The following RABEP2 variants were observed in gnomAD, a reference collection of about 807,000 sequenced individuals.
RABEP2 encodes the protein rabaptin, RAB GTPase binding effector protein 2.
A neutral mutation model predicts 74.1 loss-of-function variants in RABEP2; 57 were observed. That is an observed-to-expected ratio of 0.77 (90% CI 0.62 to 0.96). The LOEUF is 0.96. Ranked by LOEUF, RABEP2 falls within the 40% of genes least tolerant of loss-of-function variation. The pLI is 0.00. For missense variants in RABEP2, 692 were observed against 756.3 expected, an observed-to-expected ratio of 0.91 and a Z score of 1.00; for synonymous variants, 351 against 344.0, an observed-to-expected ratio of 1.02 and a Z score of -0.23.
At chr16:28,912,512 G>A (rs1964329310) in intron 5 of RABEP2, among the ~76,000 whole-genome samples, 1 of 150,086 alleles carries the variant, frequency 6.7e-6, no homozygotes, top group Admixed American at 6.7e-5. Flanking sequence ...CTGGGCTCAA[G>A]CAATCCTCTC....
At chr16:28,925,021 C>A in intron 1 of RABEP2, 82 bp downstream of exon 1, 1 of 1,409,584 alleles carries the variant, frequency 7.1e-7, no homozygotes, top group African/African-American at 1.4e-5. Flanking sequence ...TCATCCCTCT[C>A]CACCCCCCAT....
intron 8 of RABEP2, 92 bp from the exon 9 acceptor site, chr16:28,906,288 GGGAA>G (rs1239814142): frequency 7.0e-7 from 1 of 1,420,866 alleles, no homozygotes. Flanking sequence ...GGGAGGAACG[GGGAA>G]GGAAGGGAGG....
chr16:28,912,081 C>T (rs1964321410), intron 5 of RABEP2, among the ~76,000 whole-genome samples: 1 of 151,880 alleles, frequency 6.6e-6, no homozygotes, highest in Non-Finnish European at 1.5e-5. Flanking sequence ...CCCGTCTCTA[C>T]TATAAACACA....
chr16:28,908,667 G>T lies in RABEP2; in HGVS notation c.1187C>A (p.Ala396Asp). The change falls in exon 8 of 13, where the codon GCC becomes GAC. Residue 396 changes from alanine to aspartate, a missense_variant. By Grantham distance (126) the Ala-to-Asp change is moderately radical (BLOSUM62 -2). Transcript: ENST00000358201. Reference protein sequence around the residue: ...GLRAEQLPSSAPQGSQQEQGE... With the variant: ...GLRAEQLPSSDPQGSQQEQGE... ...CTGCTCCTGCTGCGAGCCCTGGGGG[G>T]CTGAGGATGGCAGCTGCTCGGCCCG... 6.2e-7 allele frequency: 1 copy of T among 1,614,182 alleles called. No individual in the cohort carries two copies. The highest frequency in any genetic ancestry group is 8.5e-7 in the Non-Finnish European group (1 of 1,180,028).
At chr16:28,916,896 A>C (rs1266277449) in intron 3 of RABEP2, among the ~76,000 whole-genome samples, 1 of 150,194 alleles carries the variant, frequency 6.7e-6, no homozygotes, top group Non-Finnish European at 1.5e-5. Flanking sequence ...AGGAAGGAGA[A>C]TTGCTTGAAC....
rs1964506858 is a variant in RABEP2, at chr16:28,924,423, G to A, written c.254C>T (p.Ser85Leu). The A allele has an allele frequency of 6.2e-7, 1 of 1,612,960 alleles. No individual in the cohort carries two copies. The highest frequency in any genetic ancestry group is 1.3e-5 in the African/African-American group (1 of 74,912). ...CTCACCTTTCAGGATGGCCTGCAGC[G>A]AGGCCACCTCCTCTTGGCACTGCCG... ...VQRQCQEEVA[S>L]LQAILKDSIS... Residue 85 changes from serine to leucine, a missense_variant, in exon 2 of 13, where the codon TCG becomes TTG. By Grantham distance (145) the Ser-to-Leu change is moderately radical (BLOSUM62 -2). Coordinates refer to ENST00000358201, the MANE Select transcript of RABEP2 (RefSeq NM_024816.3).
At chr16:28,925,030 A>C (rs1375960635) in intron 1 of RABEP2, 73 bp downstream of exon 1, 126 of 1,001,036 alleles carry the variant, frequency 1.3e-4, no homozygotes, top group East Asian at 3.3e-4. Context: ...TCCACCCCCC[A>C]TCCGCAGGTG....
At chr16:28,915,067 C>CT (rs1182249664) in intron 3 of RABEP2, among the ~76,000 whole-genome samples, 129 of 127,320 alleles carry the variant, frequency 1.0e-3, no homozygotes, top group African/African-American at 2.7e-3. Context: ...AGAACTTTAC[C>CT]TTTTTTTTTT....
intron 2 of RABEP2, chr16:28,923,988 G>A (rs1251595353): frequency 5.3e-6 from 1 of 190,156 alleles, no homozygotes; most frequent in Non-Finnish European, 1.1e-5. Flanking sequence ...GTGGAGGGGG[G>A]AGTGTCTGGG....
At chr16:28,920,992 T>C (rs1006891101) in intron 2 of RABEP2, 2 of 340,702 alleles carry the variant, frequency 5.9e-6, no homozygotes, top group East Asian at 8.0e-5. Flanking sequence ...GTGCCCCGAG[T>C]AGCTGGGACT....
chr16:28,920,989 G>A (rs1026833717), intron 2 of RABEP2: 10 of 339,012 alleles, frequency 2.9e-5, no homozygotes, highest in East Asian at 2.4e-4. Context: ...TCAGTGCCCC[G>A]AGTAGCTGGG....
rs1964194825 is a variant in RABEP2, at chr16:28,904,734, C to T, written c.*209G>A. The T allele has an allele frequency of 1.6e-6, 1 of 641,750 alleles. No individual in the cohort carries two copies. 39.8% of individuals were successfully genotyped at this position (641,750 alleles called of 1,614,324 possible). ...TTGGTTCCGGGAGGGGCTTGGGCCC[C>T]TCACCCAGGTGTGATCCCTGAGAAC... is the stretch of plus-strand genomic sequence containing the variant. On this transcript the variant is annotated 3_prime_UTR_variant, in exon 13 of 13. Coordinates refer to ENST00000358201, the MANE Select transcript of RABEP2 (RefSeq NM_024816.3).
chr16:28,910,687 T>C (rs983314360), intron 7 of RABEP2: 31 of 559,840 alleles, frequency 5.5e-5, no homozygotes, highest in Admixed American at 3.3e-5. Flanking sequence ...AACAGCTCTG[T>C]GTGGCTGCAG....
chr16:28,914,566 A>G lies in RABEP2; in HGVS notation c.564T>C (p.Pro188=). The G allele has an allele frequency of 6.2e-7, 1 of 1,609,946 alleles. No homozygotes were observed. Among genetic ancestry groups the G allele is most frequent in the Non-Finnish European group, 8.5e-7 (1 of 1,177,638 alleles). The change falls in exon 5 of 13, where the codon CCT becomes CCC. Residue 188 remains proline (P), a synonymous_variant. Coordinates refer to ENST00000358201, the MANE Select transcript of RABEP2 (RefSeq NM_024816.3). The part of the protein sequence containing the change: ...QEIQRRPRHA[P]SLHGSTELLP... Reference sequence around the variant, plus strand: ...GCAACTCCGTGGAGCCGTGCAGGGAAGGGGCATGCCGGGGACGTCTCTAGG... The same window carrying G: ...GCAACTCCGTGGAGCCGTGCAGGGAGGGGGCATGCCGGGGACGTCTCTAGG...
chr16:28,914,918 G>T, intron 3 of RABEP2, 136 bp from the exon 4 acceptor site: 1 of 707,744 alleles, frequency 1.4e-6, no homozygotes, highest in Non-Finnish European at 2.3e-6. Context: ...TCATTCCAGA[G>T]ATAAGAACAC....
chr16:28,913,834 TG>T (rs1799120236), intron 5 of RABEP2, among the ~76,000 whole-genome samples: 1 of 136,858 alleles, frequency 7.3e-6, no homozygotes, highest in Non-Finnish European at 1.5e-5. Context: ...CAGGCTGGAG[TG>T]GGTGGCACGA....
rs778919822 is a variant in RABEP2, at chr16:28,914,401, G to A, written c.729C>T (p.Val243=). The part of the protein sequence containing the change: ...SISSFSLGGG[V]GSSSSLPQSR... ...TTTGGGGCAGGGAGGAGCTGCTGCC[G>A]ACCCCACCGCCAAGGGAGAAGGAGG... Residue 243 remains valine, a synonymous_variant, in exon 5 of 13, where the codon GTC becomes GTT. Transcript: ENST00000358201. 1.2e-5 allele frequency: 20 copies of A among 1,613,160 alleles called. No homozygotes were observed. Among genetic ancestry groups the A allele is most frequent in the Middle Eastern group, 1.7e-4 (1 of 6,036 alleles).
rs373845439 is a variant in RABEP2 at position 28,904,979 on chromosome 16, C to T, written c.1674G>A (p.Ala558=). ...TGATGTCCCTGACGTCCGTGAGTGG[C>T]GCCTCATCCATGATGCTGCGCACTT... ...LEQVRSIMDE[A]PLTDVRDIKD... is the part of the protein sequence containing the mutation. The change falls in exon 13 of 13, where the codon GCG becomes GCA. Residue 558 remains alanine (A), a synonymous_variant. Transcript: ENST00000358201. 1.6e-5 allele frequency: 26 copies of T among 1,612,600 alleles called. No homozygotes were observed. Among genetic ancestry groups the T allele is most frequent in the East Asian group, 2.2e-5 (1 of 44,884 alleles).
At chr16:28,914,649 G>GC (rs1964363188) in intron 4 of RABEP2, 23 bp downstream of exon 4, 1 of 1,612,928 alleles carries the variant, frequency 6.2e-7, no homozygotes, top group African/African-American at 1.3e-5. Context: ...TCCTTCCCCA[G>GC]CGCCCCCTGG....
Sources: gnomAD v4.1 joint callset for allele counts (sites outside exome capture counted in the v4.1 genomes callset) on GRCh38, gnomAD v4.1.1 for gene constraint, MANE v1.5 for transcripts, NCBI Gene and HGNC (gene_info 2026-07-23, HGNC 2026-07-21) for gene names.